Variants in RNF2 observed in about 807,000 individuals in gnomAD.
The protein encoded by RNF2 is ring finger protein 2, also known as E3 ubiquitin-protein ligase RING2.
RNF2 carries 6 observed loss-of-function variants against 37.2 expected under a neutral mutation model. The ratio of observed to expected loss-of-function variants is 0.16; its 90% CI spans 0.09 to 0.32. The LOEUF is 0.32. RNF2 is among the 10% of genes least tolerant of loss of function. The probability of loss-of-function intolerance (pLI) is 1.00; values close to 1 mark genes in which losing one functional copy is unlikely to be tolerated. For synonymous variants in RNF2, 133 were observed against 132.7 expected (o/e 1.00, Z -0.02); for missense variants, 251 against 404.0 (o/e 0.62, Z 3.25).
At chr1:185,094,501 A>G (rs1400768009) in intron 4 of RNF2, among the ~76,000 whole-genome samples, 4 of 152,000 alleles carry the variant, frequency 2.6e-5, no homozygotes, top group African/African-American at 4.8e-5. Context: ...ATAAACAAAT[A>G]TTTTTTGCTT....
At chr1:185,081,335 G>C (rs546664914) in intron 1 of RNF2, among the ~76,000 whole-genome samples, 1 of 152,054 alleles carries the variant, frequency 6.6e-6, no homozygotes, top group East Asian at 1.9e-4. Flanking sequence ...AGTGGTAGTT[G>C]GTTGGCGAGA....
chr1:185,073,555 A>G (rs1451160676), intron 1 of RNF2, among the ~76,000 whole-genome samples: 2 of 152,130 alleles, frequency 1.3e-5, no homozygotes, highest in Admixed American at 1.3e-4. Context: ...TACAGCAGTT[A>G]ATTTTTTGAG....
chr1:185,077,004 T>C (rs900168926), intron 1 of RNF2, among the ~76,000 whole-genome samples: 2 of 152,178 alleles, frequency 1.3e-5, no homozygotes, highest in African/African-American at 4.8e-5. Context: ...AGTTAAGTTG[T>C]AGAGTTTTGT....
chr1:185,094,027 C>T (rs987966841), intron 4 of RNF2, among the ~76,000 whole-genome samples: 1 of 152,140 alleles, frequency 6.6e-6, no homozygotes, highest in African/African-American at 2.4e-5. Flanking sequence ...TCAAACTTAA[C>T]ATGATGAATA....
chr1:185,098,096 G>A lies in RNF2; in HGVS notation c.489G>A (p.Gln163=), dbSNP rs749928738. ...GACTGCAGCGAGGCAAGAAACAACA[G>A]ATTGAAAATGGTAGTGGAGCAGAAG... ...MNRLQRGKKQ[Q]IENGSGAEDN... The change falls in exon 5 of 7, where the codon CAG becomes CAA. Residue 163 remains glutamine, a synonymous_variant. Coordinates refer to ENST00000367510, the MANE Select transcript of RNF2 (RefSeq NM_007212.4). 1 of 1,614,018 alleles carries A rather than the reference G, an allele frequency of 6.2e-7. No individual in the cohort carries two copies. The highest frequency in any genetic ancestry group is 8.5e-7 in the Non-Finnish European group (1 of 1,180,030).
At chr1:185,062,818 C>T (rs556645235) in intron 1 of RNF2, among the ~76,000 whole-genome samples, 46 of 150,180 alleles carry the variant, frequency 3.1e-4, no homozygotes, top group African/African-American at 1.1e-3. Context: ...CCTCCCCCCC[C>T]CCAAAAAAAG....
chr1:185,047,204 T>C (rs964179587), intron 1 of RNF2, among the ~76,000 whole-genome samples: 1 of 152,212 alleles, frequency 6.6e-6, no homozygotes, highest in African/African-American at 2.4e-5. Flanking sequence ...TGAGGTTAAT[T>C]ATAGTAGAGG....
chr1:185,071,181 A>G (rs1650961307), intron 1 of RNF2, among the ~76,000 whole-genome samples: 1 of 152,168 alleles, frequency 6.6e-6, no homozygotes, highest in African/African-American at 2.4e-5. Flanking sequence ...GAGGGAGTAG[A>G]GGAAAAAGTC....
chr1:185,097,041 G>T (rs143956225), intron 4 of RNF2, among the ~76,000 whole-genome samples: 2 of 152,210 alleles, frequency 1.3e-5, no homozygotes, highest in African/African-American at 4.8e-5. Context: ...ATGTGGTCTG[G>T]TTCACATCCT....
chr1:185,085,226 G>A (rs1213404772), intron 1 of RNF2, among the ~76,000 whole-genome samples: 3 of 132,732 alleles, frequency 2.3e-5, no homozygotes, highest in Admixed American at 1.8e-4. Context: ...TTAGCTCACT[G>A]CAAGCTCCGC....
chr1:185,101,555 C>T lies in RNF2; in HGVS notation c.*1254C>T, dbSNP rs1229279660. The T allele has an allele frequency of 6.6e-6, 1 of 152,478 alleles. No homozygotes were observed. Among genetic ancestry groups the T allele is most frequent in the Non-Finnish European group, 1.5e-5 (1 of 67,970 alleles). 9.4% of individuals were successfully genotyped at this position (152,478 alleles called of 1,614,324 possible). A position where few individuals can be genotyped will look rare whatever the true frequency, so the allele number is the denominator to read the frequency against. On this transcript the variant is annotated 3_prime_UTR_variant, in exon 7 of 7. Coordinates refer to ENST00000367510, the MANE Select transcript of RNF2 (RefSeq NM_007212.4). ...GACTTGGGTGTTATATTTCATCTCT[C>T]TCCAGACTCTAGGTATATTTCCAAC...
chr1:185,076,758 A>G (rs374010603), intron 1 of RNF2, among the ~76,000 whole-genome samples: 4 of 150,978 alleles, frequency 2.6e-5, no homozygotes, highest in Non-Finnish European at 4.4e-5. Flanking sequence ...TGTTATATTG[A>G]TCTGTTTTTC....
At chr1:185,087,688 G>A in intron 2 of RNF2, 48 bp downstream of exon 2, 3 of 1,350,882 alleles carry the variant, frequency 2.2e-6, no homozygotes, top group South Asian at 1.2e-5. Context: ...GTGTAAACTG[G>A]GATACATTTT....
chr1:185,059,038 G>C (rs1571297318), intron 1 of RNF2, among the ~76,000 whole-genome samples: 1 of 152,196 alleles, frequency 6.6e-6, no homozygotes, highest in East Asian at 1.9e-4. Flanking sequence ...TCCTCTTCCT[G>C]GTCCCTGGCT....
intron 1 of RNF2, among the ~76,000 whole-genome samples, chr1:185,058,400 C>CT (rs1571296851): frequency 6.6e-6 from 1 of 152,076 alleles, no homozygotes; most frequent in African/African-American, 2.4e-5. Context: ...TTTTGTATGT[C>CT]TTTTTTTCTC....
intron 6 of RNF2, 69 bp from the exon 7 acceptor site, chr1:185,100,131 T>C: frequency 7.6e-7 from 1 of 1,322,782 alleles, no homozygotes; most frequent in Non-Finnish European, 1.1e-6. Flanking sequence ...GGACTTCCAT[T>C]TTAGTTTCAT....
chr1:185,088,537 CAAG>C (rs1651669711), intron 2 of RNF2, among the ~76,000 whole-genome samples: 1 of 140,540 alleles, frequency 7.1e-6, no homozygotes, highest in Admixed American at 7.4e-5. Context: ...GCCTGGGCGA[CAAG>C]AACGAAACTC....
chr1:185,085,253 A>G (rs1216836471), intron 1 of RNF2, among the ~76,000 whole-genome samples: 1 of 137,296 alleles, frequency 7.3e-6, no homozygotes, highest in Non-Finnish European at 1.5e-5. Context: ...GGTTCATGCT[A>G]TTCTCCTGCC....
At chr1:185,059,774 G>T (rs1202185785) in intron 1 of RNF2, among the ~76,000 whole-genome samples, 1 of 152,176 alleles carries the variant, frequency 6.6e-6, no homozygotes, top group Non-Finnish European at 1.5e-5. Flanking sequence ...CTTGGACAAA[G>T]AATATGAAAA....
Sources: gnomAD v4.1 joint callset for allele counts (sites outside exome capture counted in the v4.1 genomes callset) on GRCh38, gnomAD v4.1.1 for gene constraint, MANE v1.5 for transcripts, NCBI Gene and HGNC (gene_info 2026-07-23, HGNC 2026-07-21) for gene names.